GRB10: variants seen among roughly 807,000 people sequenced by gnomAD.
GRB10 encodes growth factor receptor-bound protein 10.
GRB10 carries 20 observed loss-of-function variants against 80.9 expected under a neutral mutation model. That is an observed-to-expected ratio of 0.25 (90% CI 0.17 to 0.36). The LOEUF (loss-of-function observed/expected upper bound fraction) is 0.36, where lower values mean the gene tolerates loss of function less well. GRB10 is among the 10% of genes least tolerant of loss of function. The pLI is 1.00. For missense variants in GRB10, 548 were observed against 747.7 expected, an observed-to-expected ratio of 0.73 and a Z score of 3.12; for synonymous variants, 291 against 291.5, an observed-to-expected ratio of 1.00 and a Z score of 0.02.
At chr7:50,747,330 G>A (rs574924630) in intron 3 of GRB10, among the ~76,000 whole-genome samples, 35 of 152,282 alleles carry the variant, frequency 2.3e-4, no homozygotes, top group African/African-American at 8.4e-4. Flanking sequence ...GGTCCCCACC[G>A]TTCCCTCCAA....
chr7:50,686,498 A>C (rs1403557180), intron 5 of GRB10, among the ~76,000 whole-genome samples: 2 of 152,244 alleles, frequency 1.3e-5, no homozygotes, highest in Admixed American at 1.3e-4. Context: ...TGCCTTCTGA[A>C]CAATGCTCCA....
At chr7:50,753,174 C>T (rs988036530) in intron 3 of GRB10, among the ~76,000 whole-genome samples, 3 of 152,172 alleles carry the variant, frequency 2.0e-5, no homozygotes, top group Non-Finnish European at 4.4e-5. Flanking sequence ...GCCTGGGTGC[C>T]CTCATCTGAG....
chr7:50,677,558 A>G (rs2061089466), intron 5 of GRB10, among the ~76,000 whole-genome samples: 1 of 152,218 alleles, frequency 6.6e-6, no homozygotes, highest in African/African-American at 2.4e-5. Context: ...GAAAAGTTAT[A>G]GTGGAGACCA....
chr7:50,741,625 A>G (rs1043078662), intron 3 of GRB10, among the ~76,000 whole-genome samples: 16 of 152,162 alleles, frequency 1.1e-4, no homozygotes, highest in African/African-American at 3.9e-4. Flanking sequence ...TAAGTGGTTC[A>G]AGGAGGAAAT....
At chr7:50,726,349 G>T (rs956542991) in intron 4 of GRB10, among the ~76,000 whole-genome samples, 2 of 152,128 alleles carry the variant, frequency 1.3e-5, no homozygotes, top group Non-Finnish European at 2.9e-5. Context: ...AGTGAGCTGA[G>T]ATTGGGCCAC....
At chr7:50,610,552 G>A (rs993027654) in intron 13 of GRB10, among the ~76,000 whole-genome samples, 1 of 152,200 alleles carries the variant, frequency 6.6e-6, no homozygotes, top group African/African-American at 2.4e-5. Context: ...GGTGGCTCTA[G>A]GGAGGGCAGC....
At chr7:50,721,156 C>T (rs1207469017) in intron 4 of GRB10, among the ~76,000 whole-genome samples, 1 of 152,236 alleles carries the variant, frequency 6.6e-6, no homozygotes, top group African/African-American at 2.4e-5. Flanking sequence ...GTAGTCCCCC[C>T]CTTATCCTGG....
intron 7 of GRB10, among the ~76,000 whole-genome samples, chr7:50,639,743 C>G (rs1472626253): frequency 1.3e-5 from 2 of 151,864 alleles, no homozygotes; most frequent in African/African-American, 4.8e-5. Context: ...GAACAAGTCT[C>G]ACTGGCTAAG....
intron 10 of GRB10, among the ~76,000 whole-genome samples, 184 bp from the exon 11 acceptor site, chr7:50,616,531 C>A (rs528716332): frequency 6.6e-6 from 1 of 152,132 alleles, no homozygotes. Context: ...GAACATAATT[C>A]GTATTTAAAC....
intron 4 of GRB10, among the ~76,000 whole-genome samples, chr7:50,725,686 A>T (rs2068535927): frequency 6.6e-6 from 1 of 152,230 alleles, no homozygotes; most frequent in Admixed American, 6.5e-5. Context: ...AAGAACACAA[A>T]TATTTCTGTG....
intron 5 of GRB10, among the ~76,000 whole-genome samples, chr7:50,702,397 G>C (rs1490084162): frequency 1.3e-5 from 2 of 152,208 alleles, no homozygotes; most frequent in Admixed American, 1.3e-4. Context: ...ATGCCGCTTT[G>C]GGAGCCACAG....
Position 50,592,754 on chromosome 7 carries a change from G to A in GRB10, c.*198C>T. ...CAATTTGGCCGATGCAGAGGGAGGC[G>A]ACCCTGCTGGGTTCACAGCAGCAAA... On this transcript the variant is annotated 3_prime_UTR_variant, in exon 19 of 19. Transcript: ENST00000401949. 2 of 632,646 alleles carry A rather than the reference G, an allele frequency of 3.2e-6. No homozygotes were observed. The highest frequency in any genetic ancestry group is 1.9e-5 in the South Asian group (1 of 53,540). 39.2% of individuals were successfully genotyped at this position (632,646 alleles called of 1,614,324 possible). A position where few individuals can be genotyped will look rare whatever the true frequency, so the allele number is the denominator to read the frequency against.
chr7:50,702,929 T>A (rs2064451498), intron 5 of GRB10, among the ~76,000 whole-genome samples: 2 of 152,236 alleles, frequency 1.3e-5, no homozygotes, highest in Non-Finnish European at 1.5e-5. Context: ...TTAAATGAGA[T>A]CACTTGTGAG....
At chr7:50,787,767 G>A (rs1488482124), upstream of GRB10, among the ~76,000 whole-genome samples, 1 of 152,240 alleles carries the variant, frequency 6.6e-6, no homozygotes. Context: ...CCTCTCTGGA[G>A]GGGATTCTGT....
At chr7:50,733,901 G>C (rs1332025085) in intron 3 of GRB10, among the ~76,000 whole-genome samples, 1 of 152,196 alleles carries the variant, frequency 6.6e-6, no homozygotes, top group Non-Finnish European at 1.5e-5. Context: ...AGAAGGCCTT[G>C]AGAGCAAACA....
chr7:50,640,823 C>G (rs1222501815), intron 7 of GRB10, among the ~76,000 whole-genome samples: 4 of 152,214 alleles, frequency 2.6e-5, no homozygotes, highest in Non-Finnish European at 4.4e-5. Flanking sequence ...TCTATCTAAT[C>G]TATTCCTTGT....
chr7:50,742,793 A>G (rs908012313), intron 3 of GRB10, among the ~76,000 whole-genome samples: 3 of 151,578 alleles, frequency 2.0e-5, no homozygotes, highest in Non-Finnish European at 4.4e-5. Context: ...AAGCACCACC[A>G]CTCTTTTCTT....
chr7:50,687,778 T>A (rs192392681), intron 5 of GRB10, among the ~76,000 whole-genome samples: 3 of 151,914 alleles, frequency 2.0e-5, no homozygotes, highest in Admixed American at 2.0e-4. Context: ...ATATGAGAAG[T>A]TGGTGCTTGG....
chr7:50,635,993 GAC>G (rs1269274208), intron 7 of GRB10, among the ~76,000 whole-genome samples: 2 of 75,184 alleles, frequency 2.7e-5, no homozygotes, highest in Non-Finnish European at 4.7e-5. Context: ...TTTTTTTTGA[GAC>G]AGAGTCTCAT....
Sources: allele counts gnomAD v4.1 joint callset (sites outside exome capture counted in the v4.1 genomes callset), GRCh38; gene constraint gnomAD v4.1.1; transcripts MANE v1.5; gene names NCBI Gene and HGNC (gene_info 2026-07-23, HGNC 2026-07-21).